LZTS1: variants seen among roughly 807,000 people sequenced by gnomAD.
LZTS1 encodes the protein leucine zipper putative tumor suppressor 1.
Under a neutral mutation model 45.8 loss-of-function variants are expected in LZTS1, and 31 were observed. The observed-to-expected ratio is 0.68, with a 90% CI of 0.51 to 0.91. The LOEUF is 0.91. Ranked by LOEUF, LZTS1 falls within the 40% of genes least tolerant of loss-of-function variation. LZTS1 has a pLI of 0.00. For missense variants in LZTS1, 821 were observed against 788.9 expected, an observed-to-expected ratio of 1.04 and a Z score of -0.49; for synonymous variants, 359 against 357.3, an observed-to-expected ratio of 1.00 and a Z score of -0.05.
chr8:20,301,579 T>C (rs557734763), intron 1 of LZTS1, among the ~76,000 whole-genome samples: 1 of 152,252 alleles, frequency 6.6e-6, no homozygotes, highest in Admixed American at 6.5e-5. Context: ...AAATGAACGT[T>C]GAATAAGCGC....
chr8:20,279,517 T>C (rs949618833), intron 1 of LZTS1, among the ~76,000 whole-genome samples: 10 of 151,482 alleles, frequency 6.6e-5, no homozygotes, highest in African/African-American at 1.9e-4. Flanking sequence ...CTGGGTGACA[T>C]AGTGAGACCC....
intron 1 of LZTS1, among the ~76,000 whole-genome samples, chr8:20,269,305 A>C (rs898121320): frequency 6.6e-5 from 10 of 152,066 alleles, no homozygotes; most frequent in African/African-American, 2.4e-4. Flanking sequence ...AGTGGGTGCA[A>C]TCTCCAGAGG....
At chr8:20,288,454 A>G (rs1800836341) in intron 1 of LZTS1, among the ~76,000 whole-genome samples, 1 of 152,016 alleles carries the variant, frequency 6.6e-6, no homozygotes, top group African/African-American at 2.4e-5. Context: ...GCTTCCATTC[A>G]CTGCATGTGT....
At chr8:20,258,416 T>A (rs1800155322) in intron 1 of LZTS1, among the ~76,000 whole-genome samples, 1 of 152,172 alleles carries the variant, frequency 6.6e-6, no homozygotes, top group Admixed American at 6.5e-5. Context: ...TTAGCAGTTG[T>A]GCATGGAGAC....
chr8:20,263,557 T>C (rs958951971), intron 1 of LZTS1, among the ~76,000 whole-genome samples: 8 of 152,194 alleles, frequency 5.3e-5, no homozygotes, highest in African/African-American at 1.7e-4. Context: ...GATTACTGAC[T>C]TCACTTTAAC....
rs950083774 is a variant in LZTS1, at chr8:20,246,951, C to G, written c.*2771G>C. Reference sequence around the variant, plus strand: ...GGCTTCTGCTGTCCAGAGCCTCTTTCCAGAGAGGCAGAATCTGGCATGGTC... The same window carrying G: ...GGCTTCTGCTGTCCAGAGCCTCTTTGCAGAGAGGCAGAATCTGGCATGGTC... On this transcript the variant is annotated 3_prime_UTR_variant, in exon 4 of 4. Transcript: ENST00000381569. 5.3e-5 allele frequency: 8 copies of G among 152,264 alleles called. No homozygotes were observed. The highest frequency in any genetic ancestry group is 5.2e-4 in the Admixed American group (8 of 15,294). 9.4% of individuals were successfully genotyped at this position (152,264 alleles called of 1,614,324 possible). A position where few individuals can be genotyped will look rare whatever the true frequency, so the allele number is the denominator to read the frequency against.
At chr8:20,281,600 C>G (rs1332972645) in intron 1 of LZTS1, among the ~76,000 whole-genome samples, 1 of 152,118 alleles carries the variant, frequency 6.6e-6, no homozygotes, top group Admixed American at 6.6e-5. Flanking sequence ...GAGTGCCCTC[C>G]TCACAGTCAT....
At chr8:20,272,670 GA>G (rs1480260727) in intron 1 of LZTS1, among the ~76,000 whole-genome samples, 26 of 152,150 alleles carry the variant, frequency 1.7e-4, no homozygotes, top group African/African-American at 6.0e-4. Flanking sequence ...ATAATACAGA[GA>G]TAAGTAGAAT....
intron 1 of LZTS1, among the ~76,000 whole-genome samples, chr8:20,265,634 A>T (rs1014036298): frequency 7.6e-6 from 1 of 131,980 alleles, no homozygotes; most frequent in African/African-American, 2.8e-5. Context: ...AGCTATGATC[A>T]TGCCACTGCA....
rs1800067812 is a variant in LZTS1, at chr8:20,255,204, G to A, written c.-23C>T. On this transcript the variant is annotated 5_prime_UTR_variant, in exon 2 of 4. Transcript: ENST00000381569. ...CATGGTGACTCGGGGCTGAGGATGG[G>A]GCAGGGCCGGGCAGGGTCTTGGAAA... 1 of 1,590,548 alleles carries A rather than the reference G, an allele frequency of 6.3e-7. No individual in the cohort carries two copies. The highest frequency in any genetic ancestry group is 8.6e-7 in the Non-Finnish European group (1 of 1,169,458).
At chr8:20,271,514 C>T (rs904757365) in intron 1 of LZTS1, among the ~76,000 whole-genome samples, 3 of 152,154 alleles carry the variant, frequency 2.0e-5, no homozygotes, top group Non-Finnish European at 2.9e-5. Context: ...AAAGAGGCTC[C>T]GAAGAGCCAC....
In LZTS1 at chr8:20,253,233, GAGA is replaced by G. The variant is rs780786616; in HGVS notation, c.695_697del (p.Phe232del). On this transcript the variant is annotated inframe_deletion, in exon 3 of 4. Coordinates refer to ENST00000381569, the MANE Select transcript of LZTS1 (RefSeq NM_021020.5). The stretch of plus-strand genomic sequence containing the variant: ...GTGGCCCAGCTTGCTACCTCCGTCG[GAGA>G]AGGACAGAGCCTTCAGGCTCATCAT... The G allele has an allele frequency of 3.1e-6, 5 of 1,614,006 alleles. No individual in the cohort carries two copies. Among genetic ancestry groups the G allele is most frequent in the South Asian group, 1.1e-5 (1 of 91,092 alleles).
At position 20,255,103 on chromosome 8, in the gene LZTS1, T is replaced by C; in HGVS notation, c.79A>G (p.Lys27Glu). 1 of 1,614,168 alleles carries C rather than the reference T, an allele frequency of 6.2e-7. No homozygotes were observed. The highest frequency in any genetic ancestry group is 1.3e-5 in the African/African-American group (1 of 75,042). ...TTGAGCTTCTTGAGGTGGGAGGACT[T>C]GCGCAGCTTGTACTGCGAAGCCCGG... ...HCRASQYKLR[K>E]SSHLKKLNRY... The change falls in exon 2 of 4, where the codon AAG becomes GAG. Residue 27 changes from lysine to glutamate, a missense_variant. Lys to Glu is a moderately conservative substitution (Grantham distance 56, BLOSUM62 1). Coordinates refer to ENST00000381569, the MANE Select transcript of LZTS1 (RefSeq NM_021020.5).
intron 1 of LZTS1, among the ~76,000 whole-genome samples, chr8:20,282,538 G>A (rs1420122973): frequency 1.3e-5 from 2 of 152,236 alleles, no homozygotes; most frequent in Non-Finnish European, 2.9e-5. Flanking sequence ...TGTAAGAACT[G>A]CTACCTAATT....
intron 1 of LZTS1, among the ~76,000 whole-genome samples, chr8:20,296,149 C>G (rs1179696569): frequency 6.6e-6 from 1 of 152,180 alleles, no homozygotes; most frequent in African/African-American, 2.4e-5. Context: ...GCAAATGGCT[C>G]TGCAGCAGCA....
chr8:20,282,770 TA>T (rs1193927155), intron 1 of LZTS1, among the ~76,000 whole-genome samples: 1 of 152,178 alleles, frequency 6.6e-6, no homozygotes, highest in Non-Finnish European at 1.5e-5. Flanking sequence ...TGTTGCCAAA[TA>T]TTCCTTAGGT....
chr8:20,283,670 G>A (rs959181074), intron 1 of LZTS1, among the ~76,000 whole-genome samples: 4 of 152,140 alleles, frequency 2.6e-5, no homozygotes, highest in Admixed American at 6.6e-5. Flanking sequence ...GTCCATTCTA[G>A]AGAAGGGAAT....
intron 1 of LZTS1, among the ~76,000 whole-genome samples, chr8:20,256,018 T>G (rs1800089497): frequency 8.0e-6 from 1 of 125,620 alleles, no homozygotes; most frequent in Non-Finnish European, 1.5e-5. Context: ...AAGGCTGCAG[T>G]GAGCCACAAT....
intron 1 of LZTS1, among the ~76,000 whole-genome samples, chr8:20,262,695 A>G (rs2128894575): frequency 6.6e-6 from 1 of 152,284 alleles, no homozygotes; most frequent in South Asian, 2.1e-4. Flanking sequence ...ACCTGGAGAC[A>G]AGACATTTTT....
Sources: gnomAD v4.1 joint callset for allele counts (sites outside exome capture counted in the v4.1 genomes callset) on GRCh38, gnomAD v4.1.1 for gene constraint, MANE v1.5 for transcripts, NCBI Gene and HGNC (gene_info 2026-07-23, HGNC 2026-07-21) for gene names.